NDST4: variants seen among roughly 807,000 people sequenced by gnomAD.
NDST4 encodes the protein N-heparan sulfate sulfotransferase 4.
Under a neutral mutation model 100.8 loss-of-function variants are expected in NDST4, and 63 were observed. That is an observed-to-expected ratio of 0.62 (90% CI 0.51 to 0.77). The LOEUF (loss-of-function observed/expected upper bound fraction) is 0.77, where lower values mean the gene tolerates loss of function less well. NDST4 is among the 30% of genes least tolerant of loss of function. The pLI, the probability that NDST4 is intolerant of heterozygous loss-of-function variation, is 0.00. For synonymous variants in NDST4, 377 were observed against 361.8 expected (o/e 1.04, Z -0.48); for missense variants, 943 against 1,018.4 (o/e 0.93, Z 1.01).
intron 2 of NDST4, among the ~76,000 whole-genome samples, chr4:114,991,136 T>C (rs1462277738): frequency 6.6e-6 from 1 of 152,068 alleles, no homozygotes; most frequent in Non-Finnish European, 1.5e-5. Flanking sequence ...AGAATGAGTA[T>C]AGACTGGTGT....
At chr4:114,929,050 GTCCGTCCGTCCGTCCGTCCGTCCGTCCA>G (rs1725445352) in intron 6 of NDST4, among the ~76,000 whole-genome samples, 1 of 87,844 alleles carries the variant, frequency 1.1e-5, no homozygotes, top group South Asian at 6.4e-4. Flanking sequence ...CTGTCCGTCC[GTCCGTCCGTCCGTCCGTCCGTCCGTCCA>G]TCCATCCATC....
chr4:114,903,681 G>A (rs1185680011), intron 6 of NDST4, among the ~76,000 whole-genome samples: 4 of 151,986 alleles, frequency 2.6e-5, no homozygotes, highest in African/African-American at 7.2e-5. Context: ...GTAATTGTTA[G>A]AATGGAGTTG....
intron 4 of NDST4, among the ~76,000 whole-genome samples, chr4:114,966,513 G>A (rs892308035): frequency 1.3e-5 from 2 of 151,978 alleles, no homozygotes; most frequent in Non-Finnish European, 2.9e-5. Context: ...TCAATATCAA[G>A]CTATTAATAT....
chr4:114,963,251 A>G (rs1726303679), intron 4 of NDST4, among the ~76,000 whole-genome samples: 5 of 152,156 alleles, frequency 3.3e-5, no homozygotes, highest in Admixed American at 3.3e-4. Flanking sequence ...ATTTGTCAAT[A>G]AAAAGGAATG....
intron 6 of NDST4, among the ~76,000 whole-genome samples, chr4:114,883,501 T>C (rs138688868): frequency 3.3e-5 from 5 of 152,078 alleles, no homozygotes; most frequent in Non-Finnish European, 7.4e-5. Flanking sequence ...TTCTATGCAA[T>C]GTTCAATTAA....
At chr4:114,918,047 T>G (rs1725211122) in intron 6 of NDST4, among the ~76,000 whole-genome samples, 1 of 152,202 alleles carries the variant, frequency 6.6e-6, no homozygotes, top group Non-Finnish European at 1.5e-5. Context: ...TTTGCTCTCA[T>G]AGTCCAGTTT....
intron 1 of NDST4, among the ~76,000 whole-genome samples, chr4:115,093,944 T>C (rs1729571179): frequency 6.6e-6 from 1 of 151,972 alleles, no homozygotes; most frequent in South Asian, 2.1e-4. Context: ...CACATTCAGA[T>C]ATTCAGATAA....
chr4:114,847,711 G>A (rs1373234904), intron 9 of NDST4, among the ~76,000 whole-genome samples: 3 of 151,958 alleles, frequency 2.0e-5, no homozygotes, highest in Admixed American at 6.6e-5. Flanking sequence ...TTATGTACGT[G>A]TGTGACTAGA....
chr4:114,949,533 G>C (rs1351806409), intron 4 of NDST4, among the ~76,000 whole-genome samples: 1 of 152,008 alleles, frequency 6.6e-6, no homozygotes, highest in Non-Finnish European at 1.5e-5. Context: ...CCAAAAGTGA[G>C]GCCTCAGATT....
chr4:114,954,452 G>T (rs546300468), intron 4 of NDST4, among the ~76,000 whole-genome samples: 1 of 152,140 alleles, frequency 6.6e-6, no homozygotes, highest in Non-Finnish European at 1.5e-5. Context: ...ACGGATTGAG[G>T]TATATTAGAG....
At chr4:114,934,423 A>G (rs1725581020) in intron 6 of NDST4, among the ~76,000 whole-genome samples, 1 of 152,010 alleles carries the variant, frequency 6.6e-6, no homozygotes, top group Admixed American at 6.5e-5. Context: ...TGGTGGTGGC[A>G]GGCGCCTGTA....
chr4:114,902,114 T>G (rs1476435850), intron 6 of NDST4, among the ~76,000 whole-genome samples: 1 of 152,062 alleles, frequency 6.6e-6, no homozygotes, highest in Non-Finnish European at 1.5e-5. Flanking sequence ...AACTGTTATG[T>G]GTTAGATTAA....
Position 114,950,789 on chromosome 4 carries a change from G to A in NDST4, c.1222-13286C>T, listed in dbSNP as rs141074204. ...TTTCACAAATGTTATCAACTCAGTT[G>A]TTCATTTTTTTTTCTTACCCTTATA... On this transcript the variant is annotated intron_variant, in intron 4 of 13. Transcript: ENST00000264363. 8.4e-4 allele frequency among the ~76,000 whole-genome samples: 127 copies of A among 152,014 alleles called. 1 individual carries two copies. The highest frequency in any genetic ancestry group is 1.4e-3 in the Non-Finnish European group (94 of 67,924).
At chr4:114,981,986 C>T (rs1185421216) in intron 2 of NDST4, among the ~76,000 whole-genome samples, 1 of 152,098 alleles carries the variant, frequency 6.6e-6, no homozygotes, top group African/African-American at 2.4e-5. Flanking sequence ...ACAGAGTTCT[C>T]ACGAGATCTG....
chr4:114,877,228 C>A (rs1337692611), intron 6 of NDST4, among the ~76,000 whole-genome samples: 2 of 152,214 alleles, frequency 1.3e-5, no homozygotes, highest in Admixed American at 1.3e-4. Flanking sequence ...TTTTATTTAC[C>A]TGGTGAATTT....
At chr4:114,943,544 C>T (rs551675899) in intron 4 of NDST4, among the ~76,000 whole-genome samples, 1 of 152,132 alleles carries the variant, frequency 6.6e-6, no homozygotes, top group Non-Finnish European at 1.5e-5. Context: ...AATATCTCTA[C>T]ATTAAAACTT....
chr4:114,877,179 CA>C (rs1169335664), intron 6 of NDST4, among the ~76,000 whole-genome samples: 1 of 152,148 alleles, frequency 6.6e-6, no homozygotes, highest in African/African-American at 2.4e-5. Flanking sequence ...ACAAATTCAT[CA>C]AACTTCCGTC....
intron 12 of NDST4, among the ~76,000 whole-genome samples, chr4:114,832,100 A>G (rs1303107767): frequency 1.3e-5 from 2 of 152,184 alleles, no homozygotes; most frequent in African/African-American, 2.4e-5. Context: ...ATAAGCAACT[A>G]TTTTTCATAA....
intron 6 of NDST4, among the ~76,000 whole-genome samples, chr4:114,917,729 A>C (rs1725204194): frequency 6.6e-6 from 1 of 152,322 alleles, no homozygotes; most frequent in African/African-American, 2.4e-5. Flanking sequence ...CCAAACACAC[A>C]CATAATGAAG....
Sources: allele counts gnomAD v4.1 joint callset (sites outside exome capture counted in the v4.1 genomes callset), GRCh38; gene constraint gnomAD v4.1.1; transcripts MANE v1.5; gene names NCBI Gene and HGNC (gene_info 2026-07-23, HGNC 2026-07-21).